Variants in MECOM observed in about 807,000 individuals in gnomAD.
MECOM encodes the protein histone-lysine N-methyltransferase MECOM.
In MECOM, 13 loss-of-function variants were observed where a neutral mutation model predicts 116.3. That is an observed-to-expected ratio of 0.11 (90% confidence interval 0.07 to 0.18). MECOM has a LOEUF of 0.18. Among genes scored for constraint, MECOM ranks in the 10% least tolerant of loss-of-function variants. The probability of loss-of-function intolerance (pLI) is 1.00; values close to 1 mark genes in which losing one functional copy is unlikely to be tolerated. For missense variants in MECOM, 1,299 were observed against 1,509.0 expected (o/e 0.86, Z 2.31); for synonymous variants, 528 against 535.2 (o/e 0.99, Z 0.19).
chr3:169,644,114 A>G (rs1220278631), intron 1 of MECOM, among the ~76,000 whole-genome samples: 1 of 152,214 alleles, frequency 6.6e-6, no homozygotes, highest in Non-Finnish European at 1.5e-5. Context: ...CTCTTGCACC[A>G]TAACTTATAA....
chr3:169,251,350 T>G (rs1223638272), intron 2 of MECOM, among the ~76,000 whole-genome samples: 1 of 152,186 alleles, frequency 6.6e-6, no homozygotes, highest in Admixed American at 6.5e-5. Context: ...TTTTCAAGGT[T>G]TTATAGTTCA....
chr3:169,208,820 C>A (rs570758880), intron 2 of MECOM, among the ~76,000 whole-genome samples: 2 of 150,106 alleles, frequency 1.3e-5, no homozygotes, highest in South Asian at 4.2e-4. Flanking sequence ...TGACTTTCTT[C>A]ACAGAATTAG....
chr3:169,574,684 G>A (rs1232845705), intron 1 of MECOM, among the ~76,000 whole-genome samples: 2 of 152,168 alleles, frequency 1.3e-5, no homozygotes, highest in Non-Finnish European at 2.9e-5. Context: ...ATCCTTCATT[G>A]TTTAAGTATC....
intron 2 of MECOM, among the ~76,000 whole-genome samples, chr3:169,361,427 C>G (rs977200314): frequency 2.6e-5 from 4 of 151,796 alleles, no homozygotes; most frequent in African/African-American, 9.7e-5. Flanking sequence ...TTCCACAATC[C>G]TTCCTTCACA....
intron 1 of MECOM, among the ~76,000 whole-genome samples, chr3:169,455,820 C>T (rs1483402256): frequency 6.6e-6 from 1 of 152,144 alleles, no homozygotes; most frequent in South Asian, 2.1e-4. Context: ...TCCAAACCAC[C>T]ATTGGAATTG....
chr3:169,586,164 C>G (rs1330433324), intron 1 of MECOM, among the ~76,000 whole-genome samples: 1 of 152,172 alleles, frequency 6.6e-6, no homozygotes, highest in African/African-American at 2.4e-5. Context: ...TTTTCCTATC[C>G]ATTTCTTTGC....
chr3:169,524,039 A>AATATATAT (rs10575336), intron 1 of MECOM, among the ~76,000 whole-genome samples: 223 of 138,222 alleles, frequency 1.6e-3, no homozygotes, highest in Middle Eastern at 3.8e-3. Flanking sequence ...TATATGAATA[A>AATATATAT]ATATATATAT....
At chr3:169,087,898 T>C (rs1438661403) in intron 16 of MECOM, among the ~76,000 whole-genome samples, 2 of 152,236 alleles carry the variant, frequency 1.3e-5, no homozygotes, top group Admixed American at 1.3e-4. Flanking sequence ...TAGGAGCCTC[T>C]GTAGATGGTG....
chr3:169,437,384 G>A (rs1343530117), intron 1 of MECOM, among the ~76,000 whole-genome samples: 5 of 152,156 alleles, frequency 3.3e-5, no homozygotes, highest in Admixed American at 6.5e-5. Context: ...ATTGTTAAAC[G>A]TATAGGAGAC....
At chr3:169,367,826 G>A (rs1056936930) in intron 2 of MECOM, among the ~76,000 whole-genome samples, 2 of 151,948 alleles carry the variant, frequency 1.3e-5, no homozygotes, top group African/African-American at 4.8e-5. Flanking sequence ...TGTTCTTGAA[G>A]CTGATTGTCT....
At chr3:169,607,781 C>T (rs5024380) in intron 1 of MECOM, among the ~76,000 whole-genome samples, 119,205 of 151,888 alleles carry the variant, frequency 0.78, 47,088 homozygotes, top group East Asian at 0.88. Context: ...ATGAGATAAA[C>T]ACTCGTAGAA....
At position 169,434,835 on chromosome 3, in the gene MECOM, T is replaced by C. The variant is rs115172687; in HGVS notation, c.38-53311A>G. 3.0e-3 allele frequency among the ~76,000 whole-genome samples: 455 copies of C among 152,318 alleles called. 1 individual carries two copies. The highest frequency in any genetic ancestry group is 5.3e-3 in the Non-Finnish European group (361 of 68,014). ...ATTTGAACCACTTATTAATCTCCAG[T>C]CTGTTTCATCAATCTTTTATGATGT... is the stretch of plus-strand genomic sequence containing the variant. On this transcript the variant is annotated intron_variant, in intron 1 of 16. Transcript: ENST00000651503.
chr3:169,385,256 CATGT>C (rs1319981456), intron 1 of MECOM, among the ~76,000 whole-genome samples: 2 of 152,256 alleles, frequency 1.3e-5, no homozygotes, highest in Non-Finnish European at 2.9e-5. Context: ...AGACAAAATA[CATGT>C]GTGTGCCCAG....
At chr3:169,648,073 T>TA (rs1297685142) in intron 1 of MECOM, among the ~76,000 whole-genome samples, 1 of 152,148 alleles carries the variant, frequency 6.6e-6, no homozygotes, top group Non-Finnish European at 1.5e-5. Context: ...TTAGGAAAGT[T>TA]ATTAGTAATT....
At chr3:169,463,332 CTTAG>C (rs1007971657) in intron 1 of MECOM, among the ~76,000 whole-genome samples, 4 of 152,078 alleles carry the variant, frequency 2.6e-5, no homozygotes, top group African/African-American at 9.7e-5. Context: ...CCTAGGCATA[CTTAG>C]TTTGTTGTTC....
intron 1 of MECOM, among the ~76,000 whole-genome samples, chr3:169,466,294 C>T (rs1748293171): frequency 6.6e-6 from 1 of 152,186 alleles, no homozygotes. Context: ...AGCCTTGGTA[C>T]ACACCTTTGA....
chr3:169,231,175 T>C (rs886540541), intron 2 of MECOM, among the ~76,000 whole-genome samples: 1 of 152,176 alleles, frequency 6.6e-6, no homozygotes, highest in Non-Finnish European at 1.5e-5. Flanking sequence ...TTGTTGTGTC[T>C]ATTGAATAAA....
intron 2 of MECOM, among the ~76,000 whole-genome samples, chr3:169,188,087 A>C (rs968591458): frequency 6.6e-6 from 1 of 152,040 alleles, no homozygotes; most frequent in African/African-American, 2.4e-5. Context: ...TCCCGTAATA[A>C]AATGAGTGAT....
At chr3:169,227,943 C>T (rs563329072) in intron 2 of MECOM, among the ~76,000 whole-genome samples, 22 of 152,150 alleles carry the variant, frequency 1.4e-4, no homozygotes, top group Non-Finnish European at 2.6e-4. Flanking sequence ...TTTTCTCATC[C>T]GAAAGTCTTT....
Sources: gnomAD v4.1 joint callset for allele counts (sites outside exome capture counted in the v4.1 genomes callset) on GRCh38, gnomAD v4.1.1 for gene constraint, MANE v1.5 for transcripts, NCBI Gene and HGNC (gene_info 2026-07-23, HGNC 2026-07-21) for gene names.